ARL13B: variants seen among roughly 807,000 people sequenced by gnomAD.
ARL13B encodes ARF like GTPase 13B, also known as ADP-ribosylation factor-like protein 13B.
ARL13B carries 36 observed loss-of-function variants against 56.1 expected under a neutral mutation model. That is an observed-to-expected ratio of 0.64 (90% CI 0.49 to 0.85). The LOEUF (loss-of-function observed/expected upper bound fraction) is 0.85, where lower values mean the gene tolerates loss of function less well. ARL13B is among the 40% of genes least tolerant of loss of function. The pLI is 0.00. For missense variants in ARL13B, 519 were observed against 507.1 expected (o/e 1.02, Z -0.23); for synonymous variants, 178 against 171.1 (o/e 1.04, Z -0.32).
chr3:94,008,302 C>T (rs1168483594), intron 3 of ARL13B, among the ~76,000 whole-genome samples: 3 of 152,102 alleles, frequency 2.0e-5, no homozygotes, highest in Non-Finnish European at 4.4e-5. Context: ...TGCTCCCCAC[C>T]CCCCTTAACT....
intron 3 of ARL13B, among the ~76,000 whole-genome samples, chr3:94,029,596 C>T (rs1046067751): frequency 2.0e-5 from 3 of 151,808 alleles, no homozygotes; most frequent in East Asian, 3.9e-4. Flanking sequence ...CTGCCTCAGC[C>T]TCCCAAAGTT....
intron 3 of ARL13B, among the ~76,000 whole-genome samples, chr3:94,031,376 C>T (rs1020076021): frequency 2.0e-5 from 3 of 151,774 alleles, no homozygotes; most frequent in Non-Finnish European, 4.4e-5. Context: ...TTATCTATAA[C>T]TCCTAGGTTT....
intron 4 of ARL13B, among the ~76,000 whole-genome samples, chr3:94,036,129 A>C (rs2076763722): frequency 6.6e-6 from 1 of 152,212 alleles, no homozygotes; most frequent in Non-Finnish European, 1.5e-5. Context: ...TACAGTCTTA[A>C]GGAAGATGAA....
At chr3:93,981,192 ATATT>A (rs1710198211) in intron 1 of ARL13B, among the ~76,000 whole-genome samples, 1 of 152,228 alleles carries the variant, frequency 6.6e-6, no homozygotes, top group African/African-American at 2.4e-5. Flanking sequence ...CATTCAAAAA[ATATT>A]TATTAAGACA....
intron 3 of ARL13B, among the ~76,000 whole-genome samples, chr3:94,032,087 A>G (rs1053173726): frequency 6.6e-6 from 1 of 152,232 alleles, no homozygotes; most frequent in African/African-American, 2.4e-5. Flanking sequence ...TTATTAAGTA[A>G]AAACTTCTGC....
intron 7 of ARL13B, among the ~76,000 whole-genome samples, chr3:94,043,690 C>T (rs572596874): frequency 1.5e-5 from 1 of 68,626 alleles, no homozygotes; most frequent in Admixed American, 1.8e-4. Context: ...TACAGTCTCC[C>T]TCTCTTGCCG....
intron 3 of ARL13B, among the ~76,000 whole-genome samples, chr3:94,007,512 T>C (rs2076154410): frequency 6.6e-6 from 1 of 152,150 alleles, no homozygotes; most frequent in Non-Finnish European, 1.5e-5. Context: ...TGAGAAGGCC[T>C]CAGAATCATG....
chr3:93,989,955 A>G (rs1026342109), intron 1 of ARL13B, among the ~76,000 whole-genome samples: 9 of 152,138 alleles, frequency 5.9e-5, no homozygotes, highest in Admixed American at 4.6e-4. Context: ...GAAAGGTTAC[A>G]TCATTAATTA....
chr3:93,981,522 C>G (rs1223994039), intron 1 of ARL13B, among the ~76,000 whole-genome samples: 1 of 152,072 alleles, frequency 6.6e-6, no homozygotes, highest in Admixed American at 6.5e-5. Flanking sequence ...ACTAGAGATT[C>G]TTCCCCATTA....
chr3:93,999,116 A>T (rs1228527846), intron 2 of ARL13B, among the ~76,000 whole-genome samples: 1 of 143,488 alleles, frequency 7.0e-6, no homozygotes. Flanking sequence ...TTTATTTATA[A>T]TTTTTTATAG....
At chr3:94,006,211 C>T (rs1380989306) in intron 3 of ARL13B, among the ~76,000 whole-genome samples, 1 of 152,088 alleles carries the variant, frequency 6.6e-6, no homozygotes, top group Admixed American at 6.5e-5. Context: ...AGGAGAATTG[C>T]TTGAAACCTG....
chr3:93,995,812 T>C (rs2075956304), intron 1 of ARL13B, 62 bp from the exon 2 acceptor site: 3 of 1,443,570 alleles, frequency 2.1e-6, no homozygotes, highest in African/African-American at 2.9e-5. Flanking sequence ...TGAATTTGCA[T>C]TTATTTTTCC....
At chr3:94,040,384 G>A (rs754717873) in intron 6 of ARL13B, among the ~76,000 whole-genome samples, 1 of 152,030 alleles carries the variant, frequency 6.6e-6, no homozygotes, top group South Asian at 2.1e-4. Flanking sequence ...ATGCATTAGG[G>A]TACATAAACA....
At chr3:94,020,223 T>G (rs1234421039) in intron 3 of ARL13B, among the ~76,000 whole-genome samples, 1 of 152,210 alleles carries the variant, frequency 6.6e-6, no homozygotes, top group Non-Finnish European at 1.5e-5. Flanking sequence ...TGAGTTCTTA[T>G]GTTGAGATCT....
At chr3:93,998,608 T>C (rs537466127) in intron 2 of ARL13B, among the ~76,000 whole-genome samples, 1 of 152,304 alleles carries the variant, frequency 6.6e-6, no homozygotes, top group South Asian at 2.1e-4. Flanking sequence ...TACTGATGTT[T>C]AAAGATGTAT....
chr3:93,999,490 A>G (rs2076019683), intron 2 of ARL13B, among the ~76,000 whole-genome samples: 1 of 152,120 alleles, frequency 6.6e-6, no homozygotes, highest in Non-Finnish European at 1.5e-5. Context: ...TACGAGGTAC[A>G]TGAGATTTTT....
intron 1 of ARL13B, among the ~76,000 whole-genome samples, chr3:93,987,157 AT>A (rs34681323): frequency 9.5e-4 from 140 of 146,756 alleles, no homozygotes; most frequent in Non-Finnish European, 9.3e-4. Flanking sequence ...TATATTTCTG[AT>A]TTTTTTTTTT....
intron 3 of ARL13B, among the ~76,000 whole-genome samples, chr3:94,005,200 A>G (rs1159789324): frequency 6.6e-6 from 1 of 152,198 alleles, no homozygotes; most frequent in Non-Finnish European, 1.5e-5. Flanking sequence ...AATAACAAAA[A>G]TCCAAGTTAG....
chr3:94,003,836 G>C lies in ARL13B; in HGVS notation c.308G>C (p.Arg103Thr). ...IFVVDSSDEE[R>T]MEETKEAMSE... is the part of the protein sequence containing the mutation. ...GTTGTGGATTCCAGTGATGAAGAGA[G>C]AATGGAAGAGACAAAAGAGGCTATG... is the stretch of plus-strand genomic sequence containing the variant. Residue 103 changes from arginine (R) to threonine (T), a missense_variant, in exon 3 of 10, where the codon AGA (arginine) becomes ACA (threonine). By Grantham distance (71) the Arg-to-Thr change is moderately conservative. Coordinates refer to ENST00000394222, the MANE Select transcript of ARL13B (RefSeq NM_001174150.2). 6.2e-7 allele frequency: 1 copy of C among 1,613,686 alleles called. No individual in the cohort carries two copies. Among genetic ancestry groups the C allele is most frequent in the Non-Finnish European group, 8.5e-7 (1 of 1,179,720 alleles).
Sources: allele counts gnomAD v4.1 joint callset (sites outside exome capture counted in the v4.1 genomes callset), GRCh38; gene constraint gnomAD v4.1.1; transcripts MANE v1.5; gene names NCBI Gene and HGNC (gene_info 2026-07-23, HGNC 2026-07-21).